SPATA16: variants seen among roughly 807,000 people sequenced by gnomAD.
The protein encoded by SPATA16 is spermatogenesis-associated protein 16.
Under a neutral mutation model 63.3 loss-of-function variants are expected in SPATA16, and 36 were observed. The ratio of observed to expected loss-of-function variants is 0.57; its 90% confidence interval spans 0.44 to 0.75. The LOEUF (loss-of-function observed/expected upper bound fraction) is 0.75. SPATA16 is among the 30% of genes least tolerant of loss of function. The probability of loss-of-function intolerance (pLI) is 0.00; values close to 1 mark genes in which losing one functional copy is unlikely to be tolerated. For synonymous variants in SPATA16, 203 were observed against 216.7 expected (o/e 0.94, Z 0.56); for missense variants, 646 against 679.3 (o/e 0.95, Z 0.54).
chr3:173,051,682 T>C (rs1361195799), intron 2 of SPATA16, among the ~76,000 whole-genome samples: 6 of 152,110 alleles, frequency 3.9e-5, no homozygotes, highest in Admixed American at 3.9e-4. Context: ...TTTCCTCAAA[T>C]CTTACTCAAA....
intron 5 of SPATA16, among the ~76,000 whole-genome samples, chr3:172,968,263 T>C (rs888431517): frequency 2.0e-5 from 3 of 152,220 alleles, no homozygotes; most frequent in African/African-American, 7.2e-5. Flanking sequence ...AATTCTTGTA[T>C]GATCTGGATG....
chr3:173,038,283 G>A (rs1735760579), intron 3 of SPATA16, among the ~76,000 whole-genome samples: 1 of 152,124 alleles, frequency 6.6e-6, no homozygotes, highest in Middle Eastern at 3.4e-3. Context: ...CAAGCCAAGT[G>A]TCCCAGAAAA....
intron 2 of SPATA16, among the ~76,000 whole-genome samples, chr3:173,080,041 C>A (rs377000611): frequency 1.8e-4 from 27 of 152,098 alleles, no homozygotes; most frequent in African/African-American, 6.5e-4. Flanking sequence ...TCCTAAAGTA[C>A]CAATAATGTT....
intron 3 of SPATA16, among the ~76,000 whole-genome samples, chr3:173,037,902 G>C (rs1286668540): frequency 6.6e-6 from 1 of 152,110 alleles, no homozygotes. Flanking sequence ...CAAAATGCCT[G>C]TTAAGGCTAA....
At chr3:172,942,887 C>T (rs565768463) in intron 6 of SPATA16, among the ~76,000 whole-genome samples, 11 of 150,954 alleles carry the variant, frequency 7.3e-5, no homozygotes, top group East Asian at 1.9e-4. Flanking sequence ...GGTAGCTAAA[C>T]GTTTCTATAC....
Position 172,975,764 on chromosome 3 carries a change from A to T in SPATA16, c.933+1204T>A, listed in dbSNP as rs531420041. 7.2e-5 allele frequency among the ~76,000 whole-genome samples: 11 copies of T among 151,750 alleles called. No individual in the cohort carries two copies. In the South Asian group the frequency reaches 1.7e-3, roughly 23 times the overall value. Reference sequence around the variant, plus strand: ...CTGAAGTATAATGTGACTAATTTAAATTTTTTTTTAATAGAAGGTAAATTG... The same window carrying T: ...CTGAAGTATAATGTGACTAATTTAATTTTTTTTTTAATAGAAGGTAAATTG... On this transcript the variant is annotated intron_variant, in intron 5 of 10. Transcript: ENST00000351008.
At chr3:173,056,022 C>T (rs1021386777) in intron 2 of SPATA16, among the ~76,000 whole-genome samples, 3 of 152,144 alleles carry the variant, frequency 2.0e-5, no homozygotes, top group East Asian at 1.9e-4. Flanking sequence ...GAGGATAAAT[C>T]GTATCTAAAG....
At chr3:172,898,624 AT>A (rs144965087) in intron 10 of SPATA16, among the ~76,000 whole-genome samples, 23,596 of 144,504 alleles carry the variant, frequency 0.16, 2,220 homozygotes, top group African/African-American at 0.28. Context: ...GTCTTGCTAG[AT>A]TTTTTTTTTT....
chr3:173,004,414 T>C (rs1389747876), intron 4 of SPATA16, among the ~76,000 whole-genome samples: 1 of 150,310 alleles, frequency 6.7e-6, no homozygotes, highest in Non-Finnish European at 1.5e-5. Context: ...ACTGCTAAAA[T>C]TCATGGCATA....
At chr3:173,017,131 G>T (rs1302020228) in intron 4 of SPATA16, among the ~76,000 whole-genome samples, 1 of 152,102 alleles carries the variant, frequency 6.6e-6, no homozygotes, top group Non-Finnish European at 1.5e-5. Flanking sequence ...TTCTCTTGGG[G>T]GGAATGACCT....
rs539292041 is a variant in SPATA16, at chr3:173,064,864, C to T, written c.613-15770G>A. On this transcript the variant is annotated intron_variant, in intron 2 of 10. Transcript: ENST00000351008. ...GGCAGGAAGGGGAATGATGAAAAAT[C>T]GGGATTGATAATTTTGTCTATTACA... 5.3e-5 allele frequency among the ~76,000 whole-genome samples: 8 copies of T among 152,162 alleles called. No homozygotes were observed. The South Asian group carries it at 6.2e-4, about 12-fold the overall frequency.
rs1045790081 is a variant in SPATA16, at chr3:172,988,828, G to A, written c.849-11776C>T. Among the ~76,000 whole-genome samples, 4 of 152,158 alleles carry A rather than the reference G, an allele frequency of 2.6e-5. No homozygotes were observed. In the South Asian group the frequency reaches 8.3e-4, roughly 32 times the overall value. On this transcript the variant is annotated intron_variant, in intron 4 of 10. Transcript: ENST00000351008. ...ATTTTCTGTATTTTTAGTAGAGACG[G>A]GGTTTCACCATGTTGGCCAGGCTGG...
intron 3 of SPATA16, among the ~76,000 whole-genome samples, chr3:173,044,383 TAATA>T (rs1310024390): frequency 6.6e-6 from 1 of 152,206 alleles, no homozygotes. Context: ...GATGTTAAAG[TAATA>T]AATTAGTACA....
At chr3:172,900,001 A>G (rs1252034143) in intron 10 of SPATA16, among the ~76,000 whole-genome samples, 2 of 152,108 alleles carry the variant, frequency 1.3e-5, no homozygotes, top group African/African-American at 4.8e-5. Flanking sequence ...AAAGTGTATT[A>G]TTTTTAGTCA....
intron 6 of SPATA16, among the ~76,000 whole-genome samples, chr3:172,941,860 G>A (rs1733154689): frequency 6.6e-6 from 1 of 152,112 alleles, no homozygotes; most frequent in Non-Finnish European, 1.5e-5. Flanking sequence ...AATATATTAT[G>A]TATAATATTA....
chr3:172,991,720 A>C (rs1180013967), intron 4 of SPATA16, among the ~76,000 whole-genome samples: 1 of 152,200 alleles, frequency 6.6e-6, no homozygotes, highest in Non-Finnish European at 1.5e-5. Context: ...TGCAACACAC[A>C]CAAGAACACT....
chr3:172,988,984 T>C (rs751182479), intron 4 of SPATA16, among the ~76,000 whole-genome samples: 1 of 152,186 alleles, frequency 6.6e-6, no homozygotes, highest in African/African-American at 2.4e-5. Context: ...TTTTATGAGT[T>C]ACATCTATTC....
chr3:172,951,867 C>T (rs1036630650), intron 6 of SPATA16, among the ~76,000 whole-genome samples: 1 of 152,226 alleles, frequency 6.6e-6, no homozygotes, highest in African/African-American at 2.4e-5. Context: ...ATAATTACTT[C>T]TCCAGCAAAA....
At chr3:172,980,265 A>C (rs1734269149) in intron 4 of SPATA16, among the ~76,000 whole-genome samples, 1 of 152,244 alleles carries the variant, frequency 6.6e-6, no homozygotes, top group South Asian at 2.1e-4. Flanking sequence ...GTCAAGTACC[A>C]TGTGAGATCC....
Sources: gnomAD v4.1 joint callset for allele counts (sites outside exome capture counted in the v4.1 genomes callset) on GRCh38, gnomAD v4.1.1 for gene constraint, MANE v1.5 for transcripts, NCBI Gene and HGNC (gene_info 2026-07-23, HGNC 2026-07-21) for gene names.